Variants in SLC14A2 observed in about 807,000 individuals in gnomAD.
The protein encoded by SLC14A2 is urea transporter 2.
Under a neutral mutation model 104.6 loss-of-function variants are expected in SLC14A2, and 91 were observed. The ratio of observed to expected loss-of-function variants is 0.87; its 90% confidence interval spans 0.73 to 1.04. SLC14A2 has a LOEUF of 1.04. Among genes scored for constraint, SLC14A2 ranks in the 50% least tolerant of loss-of-function variants. The pLI is 0.00. For synonymous variants in SLC14A2, 476 were observed against 466.4 expected, an observed-to-expected ratio of 1.02 and a Z score of -0.27; for missense variants, 1,189 against 1,156.0, an observed-to-expected ratio of 1.03 and a Z score of -0.41.
intron 2 of SLC14A2, among the ~76,000 whole-genome samples, chr18:45,575,180 T>C (rs1212670949): frequency 6.6e-6 from 1 of 151,970 alleles, no homozygotes; most frequent in East Asian, 1.9e-4. Flanking sequence ...GAGTGGGGAA[T>C]CTGAATCAGG....
chr18:45,397,410 C>CTT (rs768968995), intron 1 of SLC14A2, among the ~76,000 whole-genome samples: 4 of 152,042 alleles, frequency 2.6e-5, no homozygotes, highest in Non-Finnish European at 4.4e-5. Context: ...TTGTCTAATG[C>CTT]TCAGTGATGT....
intron 1 of SLC14A2, among the ~76,000 whole-genome samples, chr18:45,319,743 A>G (rs571094934): frequency 1.8e-4 from 28 of 152,344 alleles, no homozygotes; most frequent in African/African-American, 6.7e-4. Flanking sequence ...GCAGTTGTCC[A>G]GAATCCCAAC....
chr18:45,390,979 G>A (rs192372426), intron 1 of SLC14A2, among the ~76,000 whole-genome samples: 3 of 152,212 alleles, frequency 2.0e-5, no homozygotes, highest in African/African-American at 7.2e-5. Context: ...TGCACAATGT[G>A]CAGGTTTGTT....
At chr18:45,393,200 A>G (rs1417890146) in intron 1 of SLC14A2, among the ~76,000 whole-genome samples, 2 of 152,206 alleles carry the variant, frequency 1.3e-5, no homozygotes, top group Admixed American at 6.5e-5. Flanking sequence ...TATCTAAGAG[A>G]GATAAAAATA....
chr18:45,480,309 T>G (rs1298549846), intron 1 of SLC14A2, among the ~76,000 whole-genome samples: 1 of 152,096 alleles, frequency 6.6e-6, no homozygotes, highest in Non-Finnish European at 1.5e-5. Context: ...ATTATTTTCT[T>G]TCTTTTCTTT....
the SLC14A2 span, among the ~76,000 whole-genome samples, chr18:45,201,348 A>T: frequency 6.6e-6 from 1 of 152,110 alleles, no homozygotes; most frequent in Admixed American, 6.6e-5. Context: ...ATCCACATCA[A>T]TTATTTGGAA....
chr18:45,475,377 T>C (rs2087339889), intron 1 of SLC14A2, among the ~76,000 whole-genome samples: 1 of 151,786 alleles, frequency 6.6e-6, no homozygotes, highest in South Asian at 2.1e-4. Flanking sequence ...TCTTTAGATG[T>C]CTGCTTGGTC....
chr18:45,229,635 G>T (rs922158442), intron 1 of SLC14A2, among the ~76,000 whole-genome samples: 1 of 151,958 alleles, frequency 6.6e-6, no homozygotes, highest in Non-Finnish European at 1.5e-5. Context: ...GTATCTACTG[G>T]TATACCCTCC....
intron 1 of SLC14A2, among the ~76,000 whole-genome samples, chr18:45,418,284 A>G (rs536008513): frequency 1.3e-5 from 2 of 152,306 alleles, no homozygotes; most frequent in Non-Finnish European, 2.9e-5. Flanking sequence ...GAACCTGGAT[A>G]GTTACTGCAC....
At chr18:45,410,875 C>T (rs571913729) in intron 1 of SLC14A2, among the ~76,000 whole-genome samples, 4 of 152,286 alleles carry the variant, frequency 2.6e-5, no homozygotes, top group South Asian at 4.2e-4. Context: ...CTGTAGATGA[C>T]GTGATAGCAT....
At chr18:45,205,423 A>C in the SLC14A2 span, among the ~76,000 whole-genome samples, 1 of 152,182 alleles carries the variant, frequency 6.6e-6, no homozygotes, top group Non-Finnish European at 1.5e-5. Context: ...ATTTTATTAG[A>C]GTCGACTCTA....
chr18:45,477,235 G>A (rs1043163198), intron 1 of SLC14A2, among the ~76,000 whole-genome samples: 7 of 152,162 alleles, frequency 4.6e-5, no homozygotes, highest in Admixed American at 3.3e-4. Context: ...TAACAGCCAG[G>A]CCCCTCTGCA....
intron 2 of SLC14A2, among the ~76,000 whole-genome samples, chr18:45,565,346 G>A (rs2044252144): frequency 6.6e-6 from 1 of 152,004 alleles, no homozygotes; most frequent in South Asian, 2.1e-4. Context: ...GGATGGTCTT[G>A]ATCTCCCGAC....
intron 17 of SLC14A2, 141 bp downstream of exon 17, chr18:45,673,188 T>C (rs1444401251): frequency 1.2e-5 from 10 of 834,996 alleles, no homozygotes. Context: ...TGTTTCTCCG[T>C]TTTTGATCTA....
intron 2 of SLC14A2, among the ~76,000 whole-genome samples, chr18:45,562,583 T>G (rs1258199342): frequency 6.6e-6 from 1 of 152,268 alleles, no homozygotes; most frequent in Non-Finnish European, 1.5e-5. Flanking sequence ...TTGGAGCCAT[T>G]CTTCTGTTTT....
intron 1 of SLC14A2, among the ~76,000 whole-genome samples, chr18:45,252,328 A>G (rs181892691): frequency 6.6e-5 from 10 of 152,372 alleles, no homozygotes; most frequent in African/African-American, 2.4e-4. Context: ...CAAAAACCTC[A>G]GAAATTATCT....
In SLC14A2 at chr18:45,457,069, T is replaced by TA. The variant is rs1203529225; in HGVS notation, c.-124-26155dup. On this transcript the variant is annotated intron_variant, in intron 1 of 20. Transcript: ENST00000586448. ...TTAGGGAGCACACAGCAATACAAAT[T>TA]AAAAAAAAATCAATTCCACTTTGGG... Among the ~76,000 whole-genome samples, 11 of 151,630 alleles carry TA rather than the reference T, an allele frequency of 7.3e-5. No homozygotes were observed. In the South Asian group the frequency reaches 1.3e-3, roughly 17 times the overall value.
intron 5 of SLC14A2, 101 bp downstream of exon 5, chr18:45,632,579 C>T (rs928899750): frequency 7.7e-7 from 1 of 1,292,662 alleles, no homozygotes; most frequent in African/African-American, 1.5e-5. Context: ...GGGACCCAGC[C>T]CCTTCATAGC....
intron 15 of SLC14A2, among the ~76,000 whole-genome samples, chr18:45,668,899 G>T (rs2046079389): frequency 6.6e-6 from 1 of 152,208 alleles, no homozygotes; most frequent in Non-Finnish European, 1.5e-5. Context: ...CCAGCCATGG[G>T]GAAGCCCTCA....
Sources: allele counts gnomAD v4.1 joint callset (sites outside exome capture counted in the v4.1 genomes callset), GRCh38; gene constraint gnomAD v4.1.1; transcripts MANE v1.5; gene names NCBI Gene and HGNC (gene_info 2026-07-23, HGNC 2026-07-21).